Variants in USH2A observed in about 807,000 individuals in gnomAD.
USH2A encodes the protein usherin, also known as Usher syndrome 2A (autosomal recessive, mild).
In USH2A, 443 loss-of-function variants were observed where a neutral mutation model predicts 538.9. The ratio of observed to expected loss-of-function variants is 0.82; its 90% confidence interval spans 0.76 to 0.89. The LOEUF is 0.89. Among genes scored for constraint, USH2A ranks in the 40% least tolerant of loss-of-function variants. USH2A has a pLI of 0.00. For missense variants in USH2A, 6,633 were observed against 6,324.8 expected (o/e 1.05, Z -1.65); for synonymous variants, 2,413 against 2,273.5 (o/e 1.06, Z -1.75).
At chr1:216,324,383 A>C (rs1298347703) in intron 6 of USH2A, 31 bp from the exon 7 acceptor site, 1 of 1,565,474 alleles carries the variant, frequency 6.4e-7, no homozygotes. Context: ...AATGTAATTA[A>C]AGTTTTAAGT....
At chr1:216,123,471 C>A (rs753857993) in intron 21 of USH2A, among the ~76,000 whole-genome samples, 1 of 152,164 alleles carries the variant, frequency 6.6e-6, no homozygotes, top group Non-Finnish European at 1.5e-5. Flanking sequence ...AGAGCTGTTG[C>A]AATTGTTATG....
At chr1:216,187,325 A>T (rs1221181499) in intron 20 of USH2A, among the ~76,000 whole-genome samples, 1 of 151,878 alleles carries the variant, frequency 6.6e-6, no homozygotes, top group Non-Finnish European at 1.5e-5. Context: ...AATCCTCCAC[A>T]GTGCTTTAAA....
chr1:215,784,922 C>A (rs547613956), intron 52 of USH2A, among the ~76,000 whole-genome samples: 5 of 152,104 alleles, frequency 3.3e-5, no homozygotes, highest in African/African-American at 1.2e-4. Flanking sequence ...TTACAAGGGG[C>A]AGATAAAAGT....
rs1179919138 is a variant in USH2A at position 216,344,311 on chromosome 1, CT to C, written c.785-16658del. Among the ~76,000 whole-genome samples, 4 of 152,212 alleles carry C rather than the reference CT, an allele frequency of 2.6e-5. No individual in the cohort carries two copies. In the South Asian group the frequency reaches 8.3e-4, roughly 32 times the overall value. On this transcript the variant is annotated intron_variant, in intron 4 of 71. Transcript: ENST00000307340. ...CTGTCAAAATTTAAGATTATCCAAA[CT>C]GCAAATGCTCAACTCAAATCAACAT...
chr1:215,725,875 TTAAA>T (rs2102711291), intron 61 of USH2A, among the ~76,000 whole-genome samples: 1 of 152,218 alleles, frequency 6.6e-6, no homozygotes, highest in African/African-American at 2.4e-5. Flanking sequence ...GCCTAGAAGA[TTAAA>T]TAAAGAACAG....
chr1:215,887,079 G>A (rs1270848523), intron 41 of USH2A, among the ~76,000 whole-genome samples: 2 of 152,060 alleles, frequency 1.3e-5, no homozygotes, highest in Admixed American at 6.6e-5. Flanking sequence ...GGATGGTCTC[G>A]ATCTCCTGAC....
At chr1:216,060,205 G>C (rs1571925342) in intron 30 of USH2A, among the ~76,000 whole-genome samples, 1 of 152,132 alleles carries the variant, frequency 6.6e-6, no homozygotes, top group South Asian at 2.1e-4. Flanking sequence ...TGGAGCATTA[G>C]GTAAAATGCA....
At chr1:215,868,932 T>C (rs1664554006) in intron 43 of USH2A, among the ~76,000 whole-genome samples, 1 of 152,232 alleles carries the variant, frequency 6.6e-6, no homozygotes, top group Admixed American at 6.5e-5. Flanking sequence ...TATCCAGACC[T>C]GTGAGAGAAT....
intron 16 of USH2A, among the ~76,000 whole-genome samples, chr1:216,206,153 T>C (rs2102479068): frequency 6.6e-6 from 1 of 152,336 alleles, no homozygotes; most frequent in East Asian, 1.9e-4. Context: ...GAATTCATTA[T>C]AATAGAAATA....
In USH2A at chr1:216,048,821, T is replaced by C. The variant is rs375709289; in HGVS notation, c.6050-174A>G. Among the ~76,000 whole-genome samples, 16 of 152,334 alleles carry C rather than the reference T, an allele frequency of 1.1e-4. No homozygotes were observed. The East Asian group carries it at 1.5e-3, about 15-fold the overall frequency. Reference sequence around the variant, plus strand: ...GTCATTTTCCTCCCTTTCTGCTGATTGTTGAATGGAAGGACTCATGAGAAA... The same window carrying C: ...GTCATTTTCCTCCCTTTCTGCTGATCGTTGAATGGAAGGACTCATGAGAAA... On this transcript the variant is annotated intron_variant, in intron 30 of 71. Coordinates refer to ENST00000307340, the MANE Select transcript of USH2A (RefSeq NM_206933.4).
At chr1:216,292,728 CAA>C (rs2037026742) in intron 9 of USH2A, among the ~76,000 whole-genome samples, 1 of 152,096 alleles carries the variant, frequency 6.6e-6, no homozygotes, top group Admixed American at 6.5e-5. Flanking sequence ...TCTATCCCCT[CAA>C]GTGTTTAACC....
At chr1:216,015,775 T>C (rs1470521557) in intron 32 of USH2A, among the ~76,000 whole-genome samples, 1 of 152,212 alleles carries the variant, frequency 6.6e-6, no homozygotes, top group Non-Finnish European at 1.5e-5. Context: ...CCAGTGATGA[T>C]GAGCATTTTT....
intron 3 of USH2A, among the ~76,000 whole-genome samples, chr1:216,378,573 C>T (rs1237756889): frequency 6.6e-6 from 1 of 152,100 alleles, no homozygotes; most frequent in African/African-American, 2.4e-5. Flanking sequence ...CTCAGAGAGC[C>T]CCCGAATACC....
At chr1:216,164,619 A>G (rs1278311994) in intron 21 of USH2A, among the ~76,000 whole-genome samples, 1 of 152,168 alleles carries the variant, frequency 6.6e-6, no homozygotes, top group East Asian at 1.9e-4. Context: ...GATGCAGAAC[A>G]TGTATGCTTC....
At chr1:215,849,608 A>G (rs1465134902) in intron 44 of USH2A, among the ~76,000 whole-genome samples, 3 of 152,204 alleles carry the variant, frequency 2.0e-5, no homozygotes, top group Non-Finnish European at 4.4e-5. Context: ...AAAATGACTT[A>G]TGTCTACAAA....
intron 11 of USH2A, among the ~76,000 whole-genome samples, chr1:216,271,483 T>C (rs1226189086): frequency 6.6e-6 from 1 of 152,108 alleles, no homozygotes; most frequent in African/African-American, 2.4e-5. Context: ...ATAATAATAG[T>C]CTTACTTCTT....
intron 21 of USH2A, among the ~76,000 whole-genome samples, chr1:216,158,276 C>A (rs2033988859): frequency 6.6e-6 from 1 of 152,100 alleles, no homozygotes; most frequent in Non-Finnish European, 1.5e-5. Context: ...TGCTCTGTCA[C>A]CCAGGCTGGA....
At chr1:216,415,859 A>T (rs976500968) in intron 3 of USH2A, among the ~76,000 whole-genome samples, 1 of 152,000 alleles carries the variant, frequency 6.6e-6, no homozygotes, top group Non-Finnish European at 1.5e-5. Flanking sequence ...TTGAGTAATC[A>T]GTACATTCCT....
chr1:216,232,575 G>A (rs2035721860), intron 13 of USH2A, among the ~76,000 whole-genome samples: 1 of 152,118 alleles, frequency 6.6e-6, no homozygotes, highest in Non-Finnish European at 1.5e-5. Flanking sequence ...AGCCCATGCA[G>A]CATTTGCTCA....
Sources: gnomAD v4.1 joint callset for allele counts (sites outside exome capture counted in the v4.1 genomes callset) on GRCh38, gnomAD v4.1.1 for gene constraint, MANE v1.5 for transcripts, NCBI Gene and HGNC (gene_info 2026-07-23, HGNC 2026-07-21) for gene names.